KCTD20: variants seen among roughly 807,000 people sequenced by gnomAD.
KCTD20 encodes the protein BTB/POZ domain-containing protein KCTD20.
Under a neutral mutation model 39.6 loss-of-function variants are expected in KCTD20, and 30 were observed. The ratio of observed to expected loss-of-function variants is 0.76; its 90% confidence interval spans 0.57 to 1.03. KCTD20 has a LOEUF of 1.03. KCTD20 is among the 50% of genes least tolerant of loss of function. KCTD20 has a pLI of 0.00. For synonymous variants in KCTD20, 162 were observed against 180.6 expected, an observed-to-expected ratio of 0.90 and a Z score of 0.83; for missense variants, 422 against 522.0, an observed-to-expected ratio of 0.81 and a Z score of 1.87.
At chr6:36,478,372 G>A (rs1776137129) in intron 3 of KCTD20, among the ~76,000 whole-genome samples, 1 of 152,110 alleles carries the variant, frequency 6.6e-6, no homozygotes, top group African/African-American at 2.4e-5. Flanking sequence ...GGAAGGATGG[G>A]GAGAGGCAAA....
chr6:36,470,018 T>G, intron 1 of KCTD20, 34 bp from the exon 2 acceptor site: 1 of 1,260,712 alleles, frequency 7.9e-7, no homozygotes, highest in African/African-American at 1.5e-5. Flanking sequence ...ATCTGTTTTG[T>G]GAGTTCTAAA....
At chr6:36,454,347 C>CT (rs11398517) in intron 1 of KCTD20, among the ~76,000 whole-genome samples, 89,217 of 146,452 alleles carry the variant, frequency 0.61, 27,155 homozygotes, top group East Asian at 0.77. Context: ...CTTTATGGCT[C>CT]TTTTTTTTTT....
intron 1 of KCTD20, among the ~76,000 whole-genome samples, chr6:36,444,750 GAC>G (rs945999964): frequency 6.6e-6 from 1 of 152,138 alleles, no homozygotes; most frequent in Non-Finnish European, 1.5e-5. Flanking sequence ...TTGCAATATA[GAC>G]ACATATTTCT....
At chr6:36,484,850 CA>C (rs1432211365) in intron 7 of KCTD20, 26 bp downstream of exon 7, 1 of 1,308,908 alleles carries the variant, frequency 7.6e-7, no homozygotes, top group African/African-American at 1.5e-5. Flanking sequence ...AAATCCCAGT[CA>C]ACATTCAGGT....
chr6:36,487,044 A>T lies in KCTD20; in HGVS notation c.1129A>T (p.Asn377Tyr). ...GTGTGTTCGAAGCAAATCCCTCACG[A>T]ATCTGGTAGCTGCTGGAGATGATGT... is the stretch of plus-strand genomic sequence containing the variant. ...FQCVRSKSLT[N>Y]LVAAGDDVLE... The change falls in exon 8 of 8, where the codon AAT becomes TAT. Residue 377 changes from asparagine to tyrosine, a missense_variant. Physicochemically the swap from Asn to Tyr is moderately radical, Grantham distance 143. Coordinates refer to ENST00000373731, the MANE Select transcript of KCTD20 (RefSeq NM_173562.5). 2 of 1,614,244 alleles carry T rather than the reference A, an allele frequency of 1.2e-6. No individual in the cohort carries two copies. Among genetic ancestry groups the T allele is most frequent in the Non-Finnish European group, 1.7e-6 (2 of 1,180,046 alleles).
At chr6:36,451,004 T>C (rs1561942470) in intron 1 of KCTD20, 1 of 152,064 alleles carries the variant, frequency 6.6e-6, no homozygotes, top group Non-Finnish European at 1.5e-5. Context: ...AGTTTTGACT[T>C]GCCTGTTTCC....
chr6:36,473,162 A>G (rs1327699299), intron 2 of KCTD20, among the ~76,000 whole-genome samples: 2 of 151,190 alleles, frequency 1.3e-5, no homozygotes, highest in African/African-American at 2.4e-5. Context: ...CCGGGTTCAC[A>G]CCATTCACCT....
At position 36,466,494 on chromosome 6, in the gene KCTD20, G is replaced by T. The variant is rs534538092; in HGVS notation, c.-46-3558G>T. On this transcript the variant is annotated intron_variant, in intron 1 of 7. Transcript: ENST00000373731. Reference sequence around the variant, plus strand: ...CCTCCTGGGCTTAAATCATCCTCCCGCCTCAGCTTCCCAAGTAGCTGGGAC... The same window carrying T: ...CCTCCTGGGCTTAAATCATCCTCCCTCCTCAGCTTCCCAAGTAGCTGGGAC... Among the ~76,000 whole-genome samples, 5 of 149,966 alleles carry T rather than the reference G, an allele frequency of 3.3e-5. No individual in the cohort carries two copies. The East Asian group carries it at 9.8e-4, about 29-fold the overall frequency.
chr6:36,454,562 G>A lies in KCTD20; in HGVS notation c.-47+11451G>A, dbSNP rs142582922. Reference sequence around the variant, plus strand: ...TCACCATATTGGTCAGGCTTGTCTCGAACTCCTGATTTCAGGTGATGCACC... The same window carrying A: ...TCACCATATTGGTCAGGCTTGTCTCAAACTCCTGATTTCAGGTGATGCACC... On this transcript the variant is annotated intron_variant, in intron 1 of 7. Transcript: ENST00000373731. Among the ~76,000 whole-genome samples, 996 of 151,922 alleles carry A rather than the reference G, an allele frequency of 6.6e-3. 8 individuals are homozygous for A. Among genetic ancestry groups the A allele is most frequent in the African/African-American group, 0.021 (864 of 41,424 alleles).
Position 36,487,783 on chromosome 6 carries a change from ATTC to A in KCTD20, c.*609_*611del, listed in dbSNP as rs1776471316. On this transcript the variant is annotated 3_prime_UTR_variant, in exon 8 of 8. Transcript: ENST00000373731. ...TTGTGTCTCATTAATGCAGTGAACA[ATTC>A]AAAACCACACAGATTCCTTGGCAGG... is the stretch of plus-strand genomic sequence containing the variant. The A allele has an allele frequency of 6.6e-6, 1 of 152,274 alleles. No homozygotes were observed. The highest frequency in any genetic ancestry group is 2.4e-5 in the African/African-American group (1 of 41,462). The allele number at this position is 152,274 out of a possible 1,614,324, so 9.4% of individuals were successfully genotyped here. A position where few individuals can be genotyped will look rare whatever the true frequency, so the allele number is the denominator to read the frequency against.
intron 1 of KCTD20, among the ~76,000 whole-genome samples, chr6:36,462,830 A>G (rs1231189932): frequency 1.3e-5 from 2 of 152,142 alleles, no homozygotes; most frequent in Non-Finnish European, 1.5e-5. Context: ...ACCTTCTCTT[A>G]TAGCCCCTCC....
rs759905294 is a variant in KCTD20 at position 36,479,587 on chromosome 6, A to G, written c.538-4A>G. Reference sequence around the variant, plus strand: ...TACATTTTTTCTTCCTAATCTATTTACAGGATTATTACAAAACCGGTATCA... The same window carrying G: ...TACATTTTTTCTTCCTAATCTATTTGCAGGATTATTACAAAACCGGTATCA... On this transcript the variant is annotated splice_polypyrimidine_tract_variant and splice_region_variant and intron_variant, in intron 4 of 7. Coordinates refer to ENST00000373731, the MANE Select transcript of KCTD20 (RefSeq NM_173562.5). 6.2e-7 allele frequency: 1 copy of G among 1,603,170 alleles called. No individual in the cohort carries two copies. The highest frequency in any genetic ancestry group is 8.5e-7 in the Non-Finnish European group (1 of 1,177,232).
chr6:36,468,402 G>A (rs1775822550), intron 1 of KCTD20, among the ~76,000 whole-genome samples: 1 of 152,210 alleles, frequency 6.6e-6, no homozygotes, highest in African/African-American at 2.4e-5. Context: ...GCTCAGTCAA[G>A]CTTATTGTGT....
In KCTD20 at chr6:36,443,048, G is replaced by T. The variant is rs1053691878; in HGVS notation, c.-110G>T. On this transcript the variant is annotated 5_prime_UTR_variant, in exon 1 of 8. Coordinates refer to ENST00000373731, the MANE Select transcript of KCTD20 (RefSeq NM_173562.5). ...TCCCGGCTGCGGCTTCTGGCTGCGC[G>T]GCCTGCGCGCGCCTCCCGGGCGGAT... is the stretch of plus-strand genomic sequence containing the variant. The T allele has an allele frequency of 1.3e-5, 2 of 151,602 alleles. No individual in the cohort carries two copies. Among genetic ancestry groups the T allele is most frequent in the Admixed American group, 6.6e-5 (1 of 15,234 alleles). 9.4% of individuals were successfully genotyped at this position (151,602 alleles called of 1,614,324 possible).
intron 7 of KCTD20, 76 bp downstream of exon 7, chr6:36,484,900 C>T (rs1776371054): frequency 6.6e-6 from 5 of 762,176 alleles, no homozygotes; most frequent in Non-Finnish European, 1.1e-5. Context: ...AAAATTTAGC[C>T]TCCAGAGGCC....
chr6:36,463,587 A>T (rs546419507), intron 1 of KCTD20, among the ~76,000 whole-genome samples: 1 of 152,326 alleles, frequency 6.6e-6, no homozygotes, highest in African/African-American at 2.4e-5. Flanking sequence ...TGATACCATT[A>T]AGAGGGGAGG....
intron 1 of KCTD20, among the ~76,000 whole-genome samples, chr6:36,452,983 T>A (rs1775307976): frequency 6.7e-6 from 1 of 150,208 alleles, no homozygotes; most frequent in Non-Finnish European, 1.5e-5. Flanking sequence ...TTTTTAGGGC[T>A]TATCAGTTTT....
At chr6:36,443,297 T>G (rs1453320289) in intron 1 of KCTD20, 186 bp downstream of exon 1, 1 of 150,748 alleles carries the variant, frequency 6.6e-6, no homozygotes, top group Non-Finnish European at 1.5e-5. Flanking sequence ...GGCAGCGGCT[T>G]GATGGGCTCC....
intron 5 of KCTD20, among the ~76,000 whole-genome samples, chr6:36,479,988 T>G (rs922308020): frequency 5.9e-5 from 9 of 151,990 alleles, no homozygotes; most frequent in African/African-American, 2.2e-4. Context: ...AGATAGGGTT[T>G]TGCCATGTTG....
Sources: allele counts gnomAD v4.1 joint callset (sites outside exome capture counted in the v4.1 genomes callset), GRCh38; gene constraint gnomAD v4.1.1; transcripts MANE v1.5; gene names NCBI Gene and HGNC (gene_info 2026-07-23, HGNC 2026-07-21).